CAST: variants seen among roughly 807,000 people sequenced by gnomAD.
CAST encodes the protein calpastatin, also known as MIR583 host.
A neutral mutation model predicts 119.6 loss-of-function variants in CAST; 76 were observed. The observed-to-expected ratio is 0.64, with a 90% CI of 0.53 to 0.77. CAST has a LOEUF of 0.77. Among genes scored for constraint, CAST ranks in the 30% least tolerant of loss-of-function variants. The pLI is 0.00. For missense variants in CAST, 953 were observed against 946.5 expected (o/e 1.01, Z -0.09); for synonymous variants, 319 against 331.6 (o/e 0.96, Z 0.41).
the CAST span, among the ~76,000 whole-genome samples, chr5:96,298,879 AGT>A: frequency 1.2e-3 from 182 of 149,692 alleles, no homozygotes; most frequent in African/African-American, 4.2e-3. Flanking sequence ...AAATTAGGAG[AGT>A]GTGTGTGTGT....
intron 3 of CAST, among the ~76,000 whole-genome samples, chr5:96,700,756 A>C (rs1561486616): frequency 1.3e-5 from 2 of 152,120 alleles, no homozygotes; most frequent in Admixed American, 1.3e-4. Flanking sequence ...CATATATTTA[A>C]TAGGCATTCC....
chr5:96,392,285 C>T, the CAST span: 1 of 152,056 alleles, frequency 6.6e-6, no homozygotes, highest in African/African-American at 2.4e-5. Context: ...GAGGAAAGAC[C>T]AGGCATGCAG....
intron 1 of CAST, among the ~76,000 whole-genome samples, chr5:96,613,638 T>C (rs1331240895): frequency 6.7e-6 from 1 of 150,202 alleles, no homozygotes; most frequent in East Asian, 1.9e-4. Flanking sequence ...ATCCATACTC[T>C]GTCTTCTGAT....
At chr5:96,520,356 C>A (rs1191663541), upstream of CAST, among the ~76,000 whole-genome samples, 2 of 152,208 alleles carry the variant, frequency 1.3e-5, no homozygotes, top group Non-Finnish European at 2.9e-5. Flanking sequence ...CTACAATGTC[C>A]TCTGCTCCTT....
At chr5:96,722,769 T>C in intron 4 of CAST, 71 bp downstream of exon 4, 1 of 1,062,266 alleles carries the variant, frequency 9.4e-7, no homozygotes, top group South Asian at 1.3e-5. Context: ...AAATGTAGAC[T>C]AATTGTTGAT....
chr5:96,282,988 G>A, the CAST span, among the ~76,000 whole-genome samples: 3 of 150,906 alleles, frequency 2.0e-5, no homozygotes, highest in South Asian at 2.1e-4. Flanking sequence ...AAATTAGCCG[G>A]GCGTGATGGC....
chr5:96,040,549 C>T, the CAST span, among the ~76,000 whole-genome samples: 1 of 152,050 alleles, frequency 6.6e-6, no homozygotes, highest in Admixed American at 6.6e-5. Flanking sequence ...TACCTTCCAT[C>T]GATACCTAGT....
chr5:96,219,893 C>A, the CAST span, among the ~76,000 whole-genome samples: 1 of 152,186 alleles, frequency 6.6e-6, no homozygotes. Context: ...CCACAGAAGA[C>A]CCCACTCTGT....
chr5:96,333,408 AG>A, the CAST span, among the ~76,000 whole-genome samples: 1 of 152,182 alleles, frequency 6.6e-6, no homozygotes, highest in Non-Finnish European at 1.5e-5. Flanking sequence ...TGGCCGGGCA[AG>A]TCTCTGACCT....
chr5:96,553,666 G>A (rs999510939), intron 1 of CAST, among the ~76,000 whole-genome samples: 1 of 152,142 alleles, frequency 6.6e-6, no homozygotes, highest in African/African-American at 2.4e-5. Context: ...CATCGTCTCA[G>A]CCCAAAATCT....
chr5:96,419,310 GATATAT>G, the CAST span, among the ~76,000 whole-genome samples: 1 of 142,202 alleles, frequency 7.0e-6, no homozygotes, highest in Non-Finnish European at 1.5e-5. Flanking sequence ...TATTAAGTGA[GATATAT>G]ATATATATAT....
chr5:96,610,013 T>C (rs1747330930), intron 1 of CAST, among the ~76,000 whole-genome samples: 1 of 152,214 alleles, frequency 6.6e-6, no homozygotes, highest in African/African-American at 2.4e-5. Flanking sequence ...TCTTGAATTA[T>C]AGCTCCCATA....
At chr5:96,433,189 G>A in the CAST span, 1 of 766,060 alleles carries the variant, frequency 1.3e-6, no homozygotes, top group Non-Finnish European at 2.2e-6. Context: ...TAGGAGGCGC[G>A]AGAGGAGAGG....
chr5:95,996,385 T>G, the CAST span, among the ~76,000 whole-genome samples: 1 of 152,304 alleles, frequency 6.6e-6, no homozygotes, highest in East Asian at 1.9e-4. Context: ...CTTTCCTGAT[T>G]CTGTGAGTCA....
chr5:96,766,407 A>G (rs1581405869), intron 27 of CAST, among the ~76,000 whole-genome samples: 1 of 152,218 alleles, frequency 6.6e-6, no homozygotes, highest in African/African-American at 2.4e-5. Flanking sequence ...GAGTGATCCA[A>G]GAAATGTGAT....
chr5:95,966,346 A>C, the CAST span, among the ~76,000 whole-genome samples: 1 of 152,170 alleles, frequency 6.6e-6, no homozygotes, highest in South Asian at 2.1e-4. Flanking sequence ...AACTTTGCTG[A>C]AACTGGCAGC....
intron 11 of CAST, 128 bp downstream of exon 11, chr5:96,738,075 A>C: frequency 3.5e-6 from 2 of 564,186 alleles, no homozygotes. Flanking sequence ...TAATCCCAGC[A>C]CTTTGGGAGG....
rs145539883 is a variant in CAST, at chr5:96,613,245, A to G, written c.61-62294A>G. Among the ~76,000 whole-genome samples the G allele has an allele frequency of 1.5e-3, 226 of 152,334 alleles. 1 individual carries two copies. Among genetic ancestry groups the G allele is most frequent in the Admixed American group, 4.3e-3 (66 of 15,304 alleles). On this transcript the variant is annotated intron_variant, in intron 1 of 11. Coordinates refer to the CAST transcript ENST00000505143. ...GCAATAAAAATCCAGTTGAGGTTATAATTTGAATTGCATTAGAATAGATGG... is the reference window on the plus strand; with the variant it reads ...GCAATAAAAATCCAGTTGAGGTTATGATTTGAATTGCATTAGAATAGATGG...
chr5:96,551,805 A>G (rs1487769995), intron 1 of CAST, among the ~76,000 whole-genome samples: 1 of 152,174 alleles, frequency 6.6e-6, no homozygotes, highest in Non-Finnish European at 1.5e-5. Context: ...CCCAACAAAG[A>G]TCAAAAGGAC....
Sources: gnomAD v4.1 joint callset for allele counts (sites outside exome capture counted in the v4.1 genomes callset) on GRCh38, gnomAD v4.1.1 for gene constraint, MANE v1.5 for transcripts, NCBI Gene and HGNC (gene_info 2026-07-23, HGNC 2026-07-21) for gene names.